Variants in CSRNP3 observed in about 807,000 individuals in gnomAD.
The protein encoded by CSRNP3 is cysteine and serine rich nuclear protein 3, also known as cysteine/serine-rich nuclear protein 3.
In CSRNP3, 12 loss-of-function variants were observed where a neutral mutation model predicts 48.0. That is an observed-to-expected ratio of 0.25 (90% CI 0.16 to 0.41). The LOEUF (loss-of-function observed/expected upper bound fraction) is 0.41, where lower values mean the gene tolerates loss of function less well. CSRNP3 is among the 10% of genes least tolerant of loss of function. The pLI, the probability that CSRNP3 is intolerant of heterozygous loss-of-function variation, is 1.00. For synonymous variants in CSRNP3, 263 were observed against 269.7 expected, an observed-to-expected ratio of 0.98 and a Z score of 0.24; for missense variants, 580 against 724.4, an observed-to-expected ratio of 0.80 and a Z score of 2.29.
At chr2:165,676,154 T>C (rs1687418771) in intron 5 of CSRNP3, among the ~76,000 whole-genome samples, 158 bp from the exon 6 acceptor site, 1 of 152,314 alleles carries the variant, frequency 6.6e-6, no homozygotes, top group African/African-American at 2.4e-5. Context: ...TATTTTTCTT[T>C]CTGTGATTTC....
Position 165,503,958 on chromosome 2 carries a change from G to A in CSRNP3, c.-113+9030G>A, listed in dbSNP as rs138446348. Among the ~76,000 whole-genome samples the A allele has an allele frequency of 5.4e-3, 818 of 151,954 alleles. 5 individuals carry two copies. Among genetic ancestry groups the A allele is most frequent in the African/African-American group, 0.019 (782 of 41,520 alleles). ...TCTAATTAATAATGAATGTAAAGTT[G>A]TATCAGAATCTTAATAGTACATAGC... is the stretch of plus-strand genomic sequence containing the variant. On this transcript the variant is annotated intron_variant, in intron 2 of 6. Transcript: ENST00000651982.
rs146975789 is a variant in CSRNP3 at position 165,679,740 on chromosome 2, C to T, written c.1745C>T (p.Thr582Ile). ...EECIKSPVVETVPV is the reference protein window; with the variant it reads ...EECIKSPVVEIVPV Reference sequence around the variant, plus strand: ...TGCATCAAATCACCCGTGGTTGAGACAGTCCCTGTTTAGTAGCTTAAATTA... The same window carrying T: ...TGCATCAAATCACCCGTGGTTGAGATAGTCCCTGTTTAGTAGCTTAAATTA... The change falls in exon 7 of 7, where the codon ACA becomes ATA. Residue 582 changes from threonine (T) to isoleucine (I), a missense_variant. Coordinates refer to ENST00000651982, the MANE Select transcript of CSRNP3 (RefSeq NM_001172173.2). 4 of 1,613,106 alleles carry T rather than the reference C, an allele frequency of 2.5e-6. No homozygotes were observed. In the East Asian group the frequency reaches 6.7e-5, roughly 27 times the overall value.
In CSRNP3 at chr2:165,680,770, T is replaced by C. The variant is rs1478768946; in HGVS notation, c.*1017T>C. ...TAGAGGAATCATCCAATGATACTTA[T>C]GAAGGGAAAATGACCTATTTTCCTT... On this transcript the variant is annotated 3_prime_UTR_variant, in exon 7 of 7. Coordinates refer to ENST00000651982, the MANE Select transcript of CSRNP3 (RefSeq NM_001172173.2). 1 of 152,204 alleles carries C rather than the reference T, an allele frequency of 6.6e-6. No homozygotes were observed. The highest frequency in any genetic ancestry group is 1.5e-5 in the Non-Finnish European group (1 of 68,042). 9.4% of individuals were successfully genotyped at this position (152,204 alleles called of 1,614,324 possible).
At chr2:165,493,248 A>G (rs928551408) in intron 1 of CSRNP3, among the ~76,000 whole-genome samples, 9 of 151,644 alleles carry the variant, frequency 5.9e-5, no homozygotes, top group Non-Finnish European at 1.0e-4. Flanking sequence ...GATTTTTACT[A>G]CCAGAAAGTT....
intron 1 of CSRNP3, among the ~76,000 whole-genome samples, chr2:165,490,243 G>T (rs1339907731): frequency 1.3e-5 from 2 of 150,862 alleles, no homozygotes; most frequent in African/African-American, 4.9e-5. Context: ...ACTTACAAGG[G>T]ATGTGAAGGA....
chr2:165,611,637 A>T (rs1463780767), intron 4 of CSRNP3, among the ~76,000 whole-genome samples: 2 of 152,068 alleles, frequency 1.3e-5, no homozygotes, highest in East Asian at 3.9e-4. Flanking sequence ...ATAAATTAAC[A>T]TATTTTAGTT....
chr2:165,496,935 A>G (rs1182939654), intron 2 of CSRNP3, among the ~76,000 whole-genome samples: 1 of 152,028 alleles, frequency 6.6e-6, no homozygotes, highest in Non-Finnish European at 1.5e-5. Flanking sequence ...TTCACAAAGT[A>G]CCTACAATGT....
chr2:165,521,143 G>T (rs2105235418), intron 3 of CSRNP3, among the ~76,000 whole-genome samples: 1 of 150,040 alleles, frequency 6.7e-6, no homozygotes, highest in African/African-American at 2.4e-5. Context: ...ACCACAAAGA[G>T]ACAGCTTGTG....
At chr2:165,509,620 A>C (rs1231431249) in intron 2 of CSRNP3, among the ~76,000 whole-genome samples, 1 of 152,222 alleles carries the variant, frequency 6.6e-6, no homozygotes, top group African/African-American at 2.4e-5. Context: ...ATTTTCAAAT[A>C]ATGTTAGAGT....
At chr2:165,601,297 A>G (rs193113976) in intron 4 of CSRNP3, among the ~76,000 whole-genome samples, 281 of 152,290 alleles carry the variant, frequency 1.8e-3, no homozygotes, top group African/African-American at 5.7e-3. Flanking sequence ...ACTTCACATA[A>G]GTAATGAAAA....
intron 3 of CSRNP3, among the ~76,000 whole-genome samples, chr2:165,542,213 T>A (rs1684966816): frequency 6.6e-6 from 1 of 152,170 alleles, no homozygotes; most frequent in South Asian, 2.1e-4. Flanking sequence ...CTGATGGGAC[T>A]GATCTGTGCC....
intron 4 of CSRNP3, among the ~76,000 whole-genome samples, chr2:165,645,568 A>G (rs77920782): frequency 0.027 from 4,177 of 152,308 alleles, 176 homozygotes; most frequent in African/African-American, 0.093. Context: ...ATCTATCTAT[A>G]GAAAAATCAC....
Position 165,679,482 on chromosome 2 carries a change from C to G in CSRNP3, c.1487C>G (p.Ala496Gly), listed in dbSNP as rs931326111. The G allele has an allele frequency of 6.2e-7, 1 of 1,613,422 alleles. No individual in the cohort carries two copies. The highest frequency in any genetic ancestry group is 8.5e-7 in the Non-Finnish European group (1 of 1,179,940). ...EAYGASHYPA[A>G]NPSVIVCCSS... is the part of the protein sequence containing the mutation. ...TATGGTGCCTCCCACTACCCAGCTG[C>G]CAACCCCTCTGTAATCGTTTGCTGC... The change falls in exon 7 of 7, where the codon GCC becomes GGC. Residue 496 changes from alanine to glycine, a missense_variant. This residue lies in a region of CSRNP3 where 369 missense variants were observed against 380.8 expected (regional missense o/e 0.97). Coordinates refer to ENST00000651982, the MANE Select transcript of CSRNP3 (RefSeq NM_001172173.2).
intron 4 of CSRNP3, among the ~76,000 whole-genome samples, chr2:165,630,248 G>A (rs1270136221): frequency 1.3e-5 from 2 of 152,136 alleles, no homozygotes; most frequent in Admixed American, 6.5e-5. Flanking sequence ...CTAAAAGTGT[G>A]TATGTGTATT....
chr2:165,571,649 A>C (rs1189032902), intron 3 of CSRNP3, among the ~76,000 whole-genome samples: 1 of 152,022 alleles, frequency 6.6e-6, no homozygotes, highest in Non-Finnish European at 1.5e-5. Flanking sequence ...AAGTTACCGC[A>C]ATTTTAAAAA....
At chr2:165,674,042 ATAAAAT>A (rs1687379278) in intron 5 of CSRNP3, among the ~76,000 whole-genome samples, 1 of 152,142 alleles carries the variant, frequency 6.6e-6, no homozygotes, top group African/African-American at 2.4e-5. Flanking sequence ...TAAATATAAA[ATAAAAT>A]AAAAATAAAT....
At chr2:165,663,437 C>G (rs1443474355) in intron 5 of CSRNP3, among the ~76,000 whole-genome samples, 1 of 152,156 alleles carries the variant, frequency 6.6e-6, no homozygotes, top group African/African-American at 2.4e-5. Flanking sequence ...CTTTGATGTG[C>G]TCAATACCTG....
At chr2:165,481,325 A>G (rs1684040174) in intron 1 of CSRNP3, among the ~76,000 whole-genome samples, 1 of 152,188 alleles carries the variant, frequency 6.6e-6, no homozygotes, top group South Asian at 2.1e-4. Context: ...GGGAGGGAAT[A>G]TACCCTGACA....
At chr2:165,477,331 A>G (rs1683974825) in intron 1 of CSRNP3, among the ~76,000 whole-genome samples, 1 of 151,454 alleles carries the variant, frequency 6.6e-6, no homozygotes, top group South Asian at 2.1e-4. Flanking sequence ...ATATTAAGAA[A>G]TTGTAGGCCG....
Sources: allele counts gnomAD v4.1 joint callset (sites outside exome capture counted in the v4.1 genomes callset), GRCh38; gene constraint gnomAD v4.1.1; regional missense constraint gnomAD v4.1.1; transcripts MANE v1.5; gene names NCBI Gene and HGNC (gene_info 2026-07-23, HGNC 2026-07-21).